The following ARPP21 variants were observed in gnomAD, a reference collection of about 807,000 sequenced individuals.
ARPP21 encodes cAMP-regulated phosphoprotein 21.
Under a neutral mutation model 113.2 loss-of-function variants are expected in ARPP21, and 69 were observed. The observed-to-expected ratio is 0.61, with a 90% confidence interval of 0.50 to 0.74. ARPP21 has a LOEUF of 0.74. Among genes scored for constraint, ARPP21 ranks in the 30% least tolerant of loss-of-function variants. The probability of loss-of-function intolerance (pLI) is 0.00; values close to 1 mark genes in which losing one functional copy is unlikely to be tolerated. For synonymous variants in ARPP21, 368 were observed against 375.5 expected (o/e 0.98, Z 0.23); for missense variants, 1,070 against 1,037.4 (o/e 1.03, Z -0.43).
rs1168415530 is a variant in ARPP21 at position 35,667,918 on chromosome 3, AGG to A, written c.-212-11868_-212-11867del. 1.6e-4 allele frequency among the ~76,000 whole-genome samples: 21 copies of A among 134,234 alleles called. 1 individual carries two copies. Among genetic ancestry groups the A allele is most frequent in the Admixed American group, 3.0e-4 (4 of 13,516 alleles). The allele number at this position is 134,234 out of a possible 152,430, so 88.1% of individuals were successfully genotyped here. A position where few individuals can be genotyped will look rare whatever the true frequency, so the allele number is the denominator to read the frequency against. On this transcript the variant is annotated intron_variant, in intron 1 of 20. Coordinates refer to ENST00000684406, the MANE Select transcript of ARPP21 (RefSeq NM_001385562.1). ...AAGAGGAAGAGGAAGAGGAAGGAGG[AGG>A]AGGAGGAGGAGGAGAAGGAGAAGAA...
At chr3:35,782,182 T>A (rs1313443929) in intron 19 of ARPP21, among the ~76,000 whole-genome samples, 3 of 152,208 alleles carry the variant, frequency 2.0e-5, no homozygotes, top group African/African-American at 7.2e-5. Context: ...CTGTTTCAGT[T>A]TCTTCATGGA....
chr3:35,702,438 G>A (rs2086790260), intron 9 of ARPP21, among the ~76,000 whole-genome samples: 1 of 151,718 alleles, frequency 6.6e-6, no homozygotes, highest in Admixed American at 6.6e-5. Context: ...AAATTTTTAA[G>A]TCTCCAAATC....
chr3:35,779,220 A>G (rs184140964), intron 19 of ARPP21, among the ~76,000 whole-genome samples: 1 of 152,302 alleles, frequency 6.6e-6, no homozygotes, highest in African/African-American at 2.4e-5. Flanking sequence ...TAATGACACA[A>G]TAGCAGCAGA....
intron 5 of ARPP21, chr3:35,684,060 T>C: frequency 6.3e-7 from 1 of 1,596,394 alleles, no homozygotes; most frequent in Non-Finnish European, 8.5e-7. Flanking sequence ...TTCAAAAGAA[T>C]TTAGATTAAA....
chr3:35,782,275 C>T (rs1180116844), intron 19 of ARPP21, among the ~76,000 whole-genome samples: 1 of 152,124 alleles, frequency 6.6e-6, no homozygotes, highest in Non-Finnish European at 1.5e-5. Flanking sequence ...ATTTAGTTTG[C>T]AGTGGAGAGT....
At chr3:35,774,297 A>T (rs1301044979) in intron 19 of ARPP21, among the ~76,000 whole-genome samples, 1 of 152,160 alleles carries the variant, frequency 6.6e-6, no homozygotes, top group Non-Finnish European at 1.5e-5. Flanking sequence ...ATGGCTGAAA[A>T]TATTACTATG....
intron 20 of ARPP21, 22 bp from the exon 21 acceptor site, chr3:35,793,679 T>A: frequency 6.3e-7 from 1 of 1,599,298 alleles, no homozygotes; most frequent in Non-Finnish European, 8.6e-7. Flanking sequence ...CATACAGGGT[T>A]CTTGCTTGTG....
Position 35,759,683 on chromosome 3 carries a change from T to C in ARPP21, c.2137+15718T>C, listed in dbSNP as rs2095696824. ...TCCTTTCATTTTCTCTCTCTGTGTG[T>C]GTGTGTGTGTGTGTGTGTGTGTGTA... On this transcript the variant is annotated intron_variant, in intron 19 of 20. Transcript: ENST00000684406. Among the ~76,000 whole-genome samples, 5 of 151,474 alleles carry C rather than the reference T, an allele frequency of 3.3e-5. No homozygotes were observed. The South Asian group carries it at 1.0e-3, about 32-fold the overall frequency.
chr3:35,698,813 G>A (rs948524335), intron 9 of ARPP21, among the ~76,000 whole-genome samples: 3 of 151,572 alleles, frequency 2.0e-5, no homozygotes, highest in African/African-American at 7.3e-5. Flanking sequence ...AAATTCAGCA[G>A]AGAACCAAAT....
chr3:35,648,880 G>T (rs780371921), intron 1 of ARPP21, among the ~76,000 whole-genome samples: 6 of 152,122 alleles, frequency 3.9e-5, no homozygotes, highest in Non-Finnish European at 7.4e-5. Context: ...AGGTGTCAGA[G>T]AATAAATTTA....
intron 19 of ARPP21, among the ~76,000 whole-genome samples, chr3:35,787,826 G>A (rs951057921): frequency 1.3e-5 from 2 of 152,110 alleles, no homozygotes; most frequent in African/African-American, 4.8e-5. Context: ...TAAATAAATG[G>A]TACTACAATT....
intron 20 of ARPP21, 111 bp from the exon 21 acceptor site, chr3:35,793,590 A>G: frequency 1.4e-6 from 1 of 722,926 alleles, no homozygotes; most frequent in Non-Finnish European, 2.4e-6. Flanking sequence ...GGAATTGATG[A>G]CCTGTTAGGT....
chr3:35,693,658 A>G (rs2082926077), intron 9 of ARPP21, among the ~76,000 whole-genome samples: 1 of 151,722 alleles, frequency 6.6e-6, no homozygotes, highest in Admixed American at 6.6e-5. Flanking sequence ...TATTCAAAAC[A>G]TTCTATTTAA....
At chr3:35,727,326 C>A (rs1276854190) in intron 14 of ARPP21, among the ~76,000 whole-genome samples, 1 of 152,210 alleles carries the variant, frequency 6.6e-6, no homozygotes, top group Non-Finnish European at 1.5e-5. Context: ...CATTATCTAG[C>A]TATATCTAGC....
chr3:35,768,654 A>T (rs982094010), intron 19 of ARPP21, among the ~76,000 whole-genome samples: 1 of 152,118 alleles, frequency 6.6e-6, no homozygotes, highest in Non-Finnish European at 1.5e-5. Flanking sequence ...TAAAAATCCC[A>T]TTTTAGCATG....
chr3:35,711,487 T>A (rs1021480160), intron 11 of ARPP21, among the ~76,000 whole-genome samples: 1 of 152,226 alleles, frequency 6.6e-6, no homozygotes, highest in Non-Finnish European at 1.5e-5. Flanking sequence ...GTATTTTCTA[T>A]GTGTTAGCTA....
intron 11 of ARPP21, among the ~76,000 whole-genome samples, chr3:35,713,160 A>G (rs891051159): frequency 1.3e-5 from 2 of 152,206 alleles, no homozygotes; most frequent in African/African-American, 2.4e-5. Flanking sequence ...CCGAGAATGC[A>G]TATAAGTGAC....
rs1185822527 is a variant in ARPP21, at chr3:35,739,205, A to T, written c.1750-112A>T. On this transcript the variant is annotated intron_variant, in intron 17 of 20. Transcript: ENST00000684406. ...TTTTATTTTATTTTTTCCAAATTGT[A>T]CTTCCTGTCTCTCCCACAACTCCAA... 7 of 1,243,420 alleles carry T rather than the reference A, an allele frequency of 5.6e-6. No homozygotes were observed. The African/African-American group carries it at 1.1e-4, about 19-fold the overall frequency. 77.0% of individuals were successfully genotyped at this position (1,243,420 alleles called of 1,614,324 possible). A position where few individuals can be genotyped will look rare whatever the true frequency, so the allele number is the denominator to read the frequency against.
intron 1 of ARPP21, among the ~76,000 whole-genome samples, chr3:35,672,830 C>G (rs1009432279): frequency 2.6e-5 from 4 of 152,144 alleles, no homozygotes; most frequent in South Asian, 2.1e-4. Context: ...GACAGGCAGA[C>G]AGCTTGCTGT....
Sources: gnomAD v4.1 joint callset for allele counts (sites outside exome capture counted in the v4.1 genomes callset) on GRCh38, gnomAD v4.1.1 for gene constraint, MANE v1.5 for transcripts, NCBI Gene and HGNC (gene_info 2026-07-23, HGNC 2026-07-21) for gene names.